The following TULP4 variants were observed in gnomAD, a reference collection of about 807,000 sequenced individuals.
TULP4 encodes the protein TUB like protein 4.
TULP4 carries 16 observed loss-of-function variants against 129.0 expected under a neutral mutation model. The observed-to-expected ratio is 0.12, with a 90% confidence interval of 0.08 to 0.19. The LOEUF (loss-of-function observed/expected upper bound fraction) is 0.19, where lower values mean the gene tolerates loss of function less well. Ranked by LOEUF, TULP4 falls within the 10% of genes least tolerant of loss-of-function variation. The pLI is 1.00. For missense variants in TULP4, 1,842 were observed against 2,059.1 expected, an observed-to-expected ratio of 0.89 and a Z score of 2.04; for synonymous variants, 998 against 854.0, an observed-to-expected ratio of 1.17 and a Z score of -2.94.
chr6:158,331,104 T>A (rs1486320074), intron 1 of TULP4, among the ~76,000 whole-genome samples: 1 of 152,178 alleles, frequency 6.6e-6, no homozygotes, highest in South Asian at 2.1e-4. Context: ...TTTTTCCCCC[T>A]GTATTTGATA....
chr6:158,349,255 C>CT (rs1780419174), intron 1 of TULP4, among the ~76,000 whole-genome samples: 6 of 117,488 alleles, frequency 5.1e-5, no homozygotes, highest in African/African-American at 6.3e-5. Context: ...ATGGGGCGGC[C>CT]GGGCAGAGGC....
chr6:158,400,079 G>T (rs933728944), intron 1 of TULP4, among the ~76,000 whole-genome samples: 1 of 152,148 alleles, frequency 6.6e-6, no homozygotes, highest in Non-Finnish European at 1.5e-5. Flanking sequence ...ACCAGATAAA[G>T]TGTTTACTAA....
Position 158,482,629 on chromosome 6 carries a change from C to A in TULP4, c.1486+1340C>A, listed in dbSNP as rs1779973753. Among the ~76,000 whole-genome samples the A allele has an allele frequency of 2.6e-5, 4 of 152,230 alleles. No individual in the cohort carries two copies. The South Asian group carries it at 8.3e-4, about 32-fold the overall frequency. On this transcript the variant is annotated intron_variant, in intron 8 of 13. Coordinates refer to ENST00000367097, the MANE Select transcript of TULP4 (RefSeq NM_020245.5). ...TTTCAGGGAAAAGGAGAAGGGCCAC[C>A]AATGGTTAGAGATGACTGGGGTGGG...
At chr6:158,295,351 A>G (rs112065191) in intron 1 of TULP4, among the ~76,000 whole-genome samples, 10,072 of 152,178 alleles carry the variant, frequency 0.066, 512 homozygotes, top group African/African-American at 0.14. Context: ...ATGGTTGGAT[A>G]CAATAATTTA....
intron 1 of TULP4, chr6:158,241,889 G>A: frequency 1.4e-6 from 1 of 737,352 alleles, no homozygotes; most frequent in Non-Finnish European, 2.5e-6. Context: ...CACCGCGCCA[G>A]GCCAGCTTTG....
intron 1 of TULP4, among the ~76,000 whole-genome samples, chr6:158,250,786 T>C (rs1778126598): frequency 1.3e-5 from 2 of 152,196 alleles, no homozygotes; most frequent in Non-Finnish European, 2.9e-5. Context: ...AAATGGCATG[T>C]GATTTTACTA....
intron 1 of TULP4, among the ~76,000 whole-genome samples, chr6:158,344,780 AG>A (rs1474564839): frequency 2.6e-5 from 4 of 152,234 alleles, no homozygotes; most frequent in Non-Finnish European, 5.9e-5. Context: ...GAAGAATCAC[AG>A]GTCTCTGACT....
Position 158,502,933 on chromosome 6 carries a change from G to C in TULP4, c.3270G>C (p.Glu1090Asp). Residue 1090 changes from glutamate to aspartate, a missense_variant, in exon 13 of 14, where the codon GAG becomes GAC. Coordinates refer to ENST00000367097, the MANE Select transcript of TULP4 (RefSeq NM_020245.5). ...ACTACGTCAACTCGGCCTTCACGGAGGACGAGGCCCTGTCCCAGCACTGTC... is the reference window on the plus strand; with the variant it reads ...ACTACGTCAACTCGGCCTTCACGGACGACGAGGCCCTGTCCCAGCACTGTC... ...RTDYVNSAFT[E>D]DEALSQHCQL... 6.2e-7 allele frequency: 1 copy of C among 1,614,050 alleles called. No homozygotes were observed. Among genetic ancestry groups the C allele is most frequent in the Non-Finnish European group, 8.5e-7 (1 of 1,180,018 alleles).
At chr6:158,276,546 G>A (rs566141441) in intron 1 of TULP4, among the ~76,000 whole-genome samples, 36 of 151,692 alleles carry the variant, frequency 2.4e-4, no homozygotes, top group African/African-American at 8.2e-4. Context: ...CAACAAAAAC[G>A]TGTTCTTAGT....
At chr6:158,349,288 C>T (rs10945544) in intron 1 of TULP4, among the ~76,000 whole-genome samples, 110,815 of 120,146 alleles carry the variant, frequency 0.92, 51,678 homozygotes, top group Admixed American at 0.95. Context: ...CCAGATGGGG[C>T]GGCTGCCGGT....
chr6:158,404,175 C>T (rs1331130193), intron 1 of TULP4, among the ~76,000 whole-genome samples: 2 of 152,136 alleles, frequency 1.3e-5, no homozygotes, highest in African/African-American at 2.4e-5. Flanking sequence ...CCTTGAAGAC[C>T]AGAATGTCTA....
chr6:158,347,909 G>GA (rs914764529), intron 1 of TULP4, among the ~76,000 whole-genome samples: 10 of 148,448 alleles, frequency 6.7e-5, no homozygotes, highest in Admixed American at 2.0e-4. Flanking sequence ...TTTTGGATGA[G>GA]AAAAAAAAAG....
At chr6:158,417,280 C>G (rs1203506087) in intron 2 of TULP4, among the ~76,000 whole-genome samples, 7 of 152,162 alleles carry the variant, frequency 4.6e-5, no homozygotes, top group Non-Finnish European at 1.0e-4. Context: ...CCTTGTGTTT[C>G]TTTCCATTGA....
chr6:158,444,017 A>C (rs1375492134), intron 3 of TULP4, among the ~76,000 whole-genome samples: 1 of 151,904 alleles, frequency 6.6e-6, no homozygotes, highest in Non-Finnish European at 1.5e-5. Context: ...CAGGAGATTG[A>C]GACCATCCTG....
intron 1 of TULP4, among the ~76,000 whole-genome samples, chr6:158,289,162 G>A (rs1778885425): frequency 6.6e-6 from 1 of 152,060 alleles, no homozygotes; most frequent in Admixed American, 6.5e-5. Flanking sequence ...GTGTTTCTTA[G>A]GAATTTACTC....
intron 1 of TULP4, among the ~76,000 whole-genome samples, chr6:158,295,797 A>G (rs1386103623): frequency 1.3e-5 from 2 of 152,252 alleles, no homozygotes; most frequent in Non-Finnish European, 2.9e-5. Flanking sequence ...AGGCTGAGGC[A>G]GGAGAATGGC....
intron 1 of TULP4, among the ~76,000 whole-genome samples, chr6:158,376,141 A>C (rs1777183368): frequency 6.6e-6 from 1 of 152,072 alleles, no homozygotes; most frequent in African/African-American, 2.4e-5. Context: ...ACCTGCCTCC[A>C]CTCATGTTGC....
intron 1 of TULP4, among the ~76,000 whole-genome samples, chr6:158,365,977 A>C (rs1464564129): frequency 8.1e-6 from 1 of 122,842 alleles, no homozygotes; most frequent in Non-Finnish European, 1.6e-5. Flanking sequence ...ATCTCGGCTC[A>C]CTGCAAGCTG....
chr6:158,236,036 C>G (rs1432433663), intron 1 of TULP4, among the ~76,000 whole-genome samples: 2 of 152,148 alleles, frequency 1.3e-5, no homozygotes, highest in Admixed American at 1.3e-4. Flanking sequence ...GAAATTGCGG[C>G]TGATGCAGAT....
Sources: allele counts gnomAD v4.1 joint callset (sites outside exome capture counted in the v4.1 genomes callset), GRCh38; gene constraint gnomAD v4.1.1; transcripts MANE v1.5; gene names NCBI Gene and HGNC (gene_info 2026-07-23, HGNC 2026-07-21).